Variants in USH1C observed in about 807,000 individuals in gnomAD.
USH1C encodes harmonin.
Under a neutral mutation model 119.3 loss-of-function variants are expected in USH1C, and 90 were observed. That is an observed-to-expected ratio of 0.75 (90% CI 0.64 to 0.90). The LOEUF is 0.90. USH1C is among the 40% of genes least tolerant of loss of function. The pLI is 0.00. For missense variants in USH1C, 1,165 were observed against 1,167.7 expected (o/e 1.00, Z 0.03); for synonymous variants, 465 against 443.3 (o/e 1.05, Z -0.62).
At chr11:17,524,850 T>C (rs1376912544) in intron 8 of USH1C, among the ~76,000 whole-genome samples, 1 of 152,184 alleles carries the variant, frequency 6.6e-6, no homozygotes, top group Non-Finnish European at 1.5e-5. Flanking sequence ...CTCTTATTTT[T>C]TTAAATTTAT....
intron 15 of USH1C, among the ~76,000 whole-genome samples, chr11:17,515,203 T>C (rs1041256461): frequency 2.0e-5 from 3 of 152,194 alleles, no homozygotes; most frequent in Non-Finnish European, 4.4e-5. Flanking sequence ...GATAGTCTTA[T>C]GAGACCAAGG....
At chr11:17,540,865 A>T (rs1296901207) in intron 1 of USH1C, among the ~76,000 whole-genome samples, 1 of 152,200 alleles carries the variant, frequency 6.6e-6, no homozygotes. Flanking sequence ...AGCAGCCAGA[A>T]CAATTCCTTT....
chr11:17,539,978 CACA>C (rs1239437094), intron 1 of USH1C, among the ~76,000 whole-genome samples: 1 of 151,846 alleles, frequency 6.6e-6, no homozygotes. Flanking sequence ...ACTACAGGTG[CACA>C]ACACCACACC....
chr11:17,522,809 G>C lies in USH1C; in HGVS notation c.994C>G (p.Gln332Glu). ...TGCCGCTCCATCTCCTGCTGCTCCT[G>C]GAGGATCTTGTTGGACTCCATCGCC... ...RLAMESNKIL[Q>E]EQQEMERQRR... The change falls in exon 12 of 27, where the codon CAG (glutamine) becomes GAG (glutamate). Residue 332 changes from glutamine (Q) to glutamate (E), a missense_variant. By Grantham distance (29) the Gln-to-Glu change is conservative. Transcript: ENST00000005226. 1.2e-5 allele frequency: 19 copies of C among 1,614,010 alleles called. No individual in the cohort carries two copies. The highest frequency in any genetic ancestry group is 1.6e-5 in the Non-Finnish European group (19 of 1,179,994).
intron 1 of USH1C, among the ~76,000 whole-genome samples, chr11:17,539,833 C>CTTT (rs34881002): frequency 1.6e-5 from 2 of 126,200 alleles, no homozygotes; most frequent in Non-Finnish European, 3.3e-5. Context: ...CTTTCTTTTT[C>CTTT]TTTTTTTTTT....
chr11:17,539,039 C>A (rs1354256570), intron 1 of USH1C, among the ~76,000 whole-genome samples: 1 of 152,146 alleles, frequency 6.6e-6, no homozygotes, highest in Non-Finnish European at 1.5e-5. Context: ...TTGGACGAGC[C>A]ACCTGCTCCC....
chr11:17,526,836 AG>A (rs1325246798), intron 6 of USH1C, 26 bp from the exon 7 acceptor site: 3 of 1,606,650 alleles, frequency 1.9e-6, no homozygotes, highest in Non-Finnish European at 8.5e-7. Context: ...AATAGATGGG[AG>A]GGTGGTTAGC....
rs1481376674 is a variant in USH1C at position 17,522,777 on chromosome 11, C to T, written c.1019+7G>A. On this transcript the variant is annotated splice_region_variant and intron_variant, in intron 12 of 26. Coordinates refer to ENST00000005226, the MANE Select transcript of USH1C (RefSeq NM_153676.4). The stretch of plus-strand genomic sequence containing the variant: ...GGGACAGGGCATCCAGGGCTGGCTG[C>T]ACTCACTGCCGCTCCATCTCCTGCT... 1 of 1,613,868 alleles carries T rather than the reference C, an allele frequency of 6.2e-7. No individual in the cohort carries two copies. Among genetic ancestry groups the T allele is most frequent in the South Asian group, 1.1e-5 (1 of 91,078 alleles).
In USH1C at chr11:17,531,970, G is replaced by A. The variant is rs1401529461; in HGVS notation, c.105-428C>T. Among the ~76,000 whole-genome samples, 1 of 152,028 alleles carries A rather than the reference G, an allele frequency of 6.6e-6. No individual in the cohort carries two copies. The highest frequency in any genetic ancestry group is 6.6e-5 in the Admixed American group (1 of 15,266). ...CCTCCCTCATGCTGTTCAGACCTTC[G>A]ACTGCAGCTGCCTGCCCATGTACTC... On this transcript the variant is annotated intron_variant, in intron 2 of 26. Transcript: ENST00000005226. The surrounding 1 kb of genome is among the most constrained non-coding windows in gnomAD (Gnocchi z 4.2).
chr11:17,504,810 TC>T (rs1849586880), intron 19 of USH1C, 113 bp from the exon 20 acceptor site: 1 of 1,093,120 alleles, frequency 9.1e-7, no homozygotes, highest in Non-Finnish European at 1.4e-6. Flanking sequence ...CCAATGTCCC[TC>T]CCCGAGCAGT....
chr11:17,503,035 G>A (rs556255742), intron 20 of USH1C, among the ~76,000 whole-genome samples: 5 of 152,286 alleles, frequency 3.3e-5, no homozygotes, highest in African/African-American at 4.8e-5. Context: ...ACTAGGTTCC[G>A]GGCACAAGAT....
chr11:17,541,960 T>C (rs1021927938), intron 1 of USH1C, among the ~76,000 whole-genome samples: 5 of 152,206 alleles, frequency 3.3e-5, no homozygotes. Flanking sequence ...GTGACAGGGC[T>C]AAGATTTGGT....
At chr11:17,502,470 C>T (rs574399192) in intron 20 of USH1C, among the ~76,000 whole-genome samples, 2 of 152,332 alleles carry the variant, frequency 1.3e-5, no homozygotes, top group East Asian at 1.9e-4. Flanking sequence ...GGAAATCAGC[C>T]ACAAGATGGT....
Position 17,522,849 on chromosome 11 carries a change from G to T in USH1C, c.954C>A (p.Leu318=), listed in dbSNP as rs1163081568. The change falls in exon 12 of 27, where the codon CTC becomes CTA. Residue 318 remains leucine, a synonymous_variant. Transcript: ENST00000005226. ...ACTCCATCGCCAGCCGCTTCTGCAT[G>T]AGAAGCTCCTGCCGCTGCAGCTCAC... ...RQRELQRQEL[L]MQKRLAMESN... is the part of the protein sequence containing the mutation. 3 of 1,613,088 alleles carry T rather than the reference G, an allele frequency of 1.9e-6. No homozygotes were observed. The highest frequency in any genetic ancestry group is 2.7e-5 in the African/African-American group (2 of 74,902).
At chr11:17,514,109 T>C (rs1565039443) in intron 15 of USH1C, among the ~76,000 whole-genome samples, 1 of 152,266 alleles carries the variant, frequency 6.6e-6, no homozygotes, top group Non-Finnish European at 1.5e-5. Context: ...GTCAGAATCA[T>C]GAATCCTTCA....
chr11:17,502,050 G>A (rs1849467720), intron 20 of USH1C, 70 bp from the exon 21 acceptor site: 2 of 1,524,394 alleles, frequency 1.3e-6, no homozygotes, highest in Non-Finnish European at 1.8e-6. Context: ...AGGAGTAGGG[G>A]GATGAATGGT....
chr11:17,494,325 C>T lies in USH1C; in HGVS notation c.*7G>A. The T allele has an allele frequency of 6.2e-7, 1 of 1,607,916 alleles. No homozygotes were observed. The highest frequency in any genetic ancestry group is 8.5e-7 in the Non-Finnish European group (1 of 1,177,052). The stretch of plus-strand genomic sequence containing the variant: ...GTTCACGAGGTGGGGCCGGAGCTCA[C>T]TGTTTCCTAACGGTGAATTTGGTTT... On this transcript the variant is annotated 3_prime_UTR_variant, in exon 27 of 27. Transcript: ENST00000005226.
intron 20 of USH1C, 50 bp downstream of exon 20, chr11:17,504,597 G>C: frequency 2.5e-6 from 4 of 1,597,094 alleles, no homozygotes; most frequent in Non-Finnish European, 3.4e-6. Flanking sequence ...AGAGTGGGAG[G>C]GACGGGGGTG....
intron 1 of USH1C, 176 bp from the exon 2 acceptor site, chr11:17,533,498 C>T: frequency 1.5e-6 from 1 of 671,452 alleles, no homozygotes; most frequent in South Asian, 1.6e-5. Flanking sequence ...TGCATCAGAC[C>T]TATGCAGACC....
Sources: gnomAD v4.1 joint callset for allele counts (sites outside exome capture counted in the v4.1 genomes callset) on GRCh38, gnomAD v4.1.1 for gene constraint, Gnocchi (gnomAD v3.1) non-coding constraint, MANE v1.5 for transcripts, NCBI Gene and HGNC (gene_info 2026-07-23, HGNC 2026-07-21) for gene names.